SHLD2: variants seen among roughly 807,000 people sequenced by gnomAD.
The protein encoded by SHLD2 is shieldin complex subunit 2.
A neutral mutation model predicts 73.2 loss-of-function variants in SHLD2; 30 were observed. The observed-to-expected ratio is 0.41, with a 90% CI of 0.31 to 0.56. The LOEUF is 0.56. Among genes scored for constraint, SHLD2 ranks in the 20% least tolerant of loss-of-function variants. The pLI, the probability that SHLD2 is intolerant of heterozygous loss-of-function variation, is 0.28. For synonymous variants in SHLD2, 285 were observed against 370.1 expected (o/e 0.77, Z 2.64); for missense variants, 745 against 1,055.9 (o/e 0.71, Z 4.08).
At chr10:87,169,600 A>C (rs1282445137) in intron 4 of SHLD2, among the ~76,000 whole-genome samples, 2 of 152,106 alleles carry the variant, frequency 1.3e-5, no homozygotes, top group Non-Finnish European at 2.9e-5. Flanking sequence ...AAAAGTACTT[A>C]AGTGTTTATT....
At chr10:87,183,373 GGCTTATAAGGTT>G (rs1470211289) in intron 8 of SHLD2, among the ~76,000 whole-genome samples, 1 of 152,152 alleles carries the variant, frequency 6.6e-6, no homozygotes, top group East Asian at 1.9e-4. Flanking sequence ...GTCTGGGCTA[GGCTTATAAGGTT>G]ATTTGTGGTA....
chr10:87,102,020 T>C (rs958111820), intron 2 of SHLD2, among the ~76,000 whole-genome samples: 1 of 151,962 alleles, frequency 6.6e-6, no homozygotes, highest in African/African-American at 2.4e-5. Context: ...ATAGTTTTTC[T>C]TTTTTTGTTT....
chr10:87,153,312 G>T (rs576798748), intron 3 of SHLD2, among the ~76,000 whole-genome samples: 2 of 152,170 alleles, frequency 1.3e-5, no homozygotes, highest in Admixed American at 6.5e-5. Context: ...AGGCTGACGC[G>T]AGAGGATTGC....
intron 4 of SHLD2, among the ~76,000 whole-genome samples, chr10:87,161,638 A>G (rs1315565488): frequency 6.6e-6 from 1 of 152,242 alleles, no homozygotes; most frequent in African/African-American, 2.4e-5. Flanking sequence ...AGAAATGGAA[A>G]GACATTCCCT....
At chr10:87,102,916 G>T (rs928143549) in intron 2 of SHLD2, among the ~76,000 whole-genome samples, 1 of 151,426 alleles carries the variant, frequency 6.6e-6, no homozygotes, top group Non-Finnish European at 1.5e-5. Flanking sequence ...TTTAAAACAA[G>T]GTACTAAAAA....
At chr10:87,161,295 G>C (rs1009085296) in intron 4 of SHLD2, among the ~76,000 whole-genome samples, 9 of 152,050 alleles carry the variant, frequency 5.9e-5, no homozygotes, top group African/African-American at 1.2e-4. Context: ...AGAAAAAAAA[G>C]CTGGGTGTGG....
chr10:87,154,647 C>T (rs1846266281), intron 3 of SHLD2, among the ~76,000 whole-genome samples: 3 of 152,210 alleles, frequency 2.0e-5, no homozygotes, highest in Admixed American at 6.5e-5. Flanking sequence ...TCCCAAAATG[C>T]TAGGATTACA....
At chr10:87,133,421 T>C (rs1266696437) in intron 2 of SHLD2, among the ~76,000 whole-genome samples, 5 of 152,220 alleles carry the variant, frequency 3.3e-5, no homozygotes, top group African/African-American at 9.6e-5. Flanking sequence ...CTTTCTATTA[T>C]GTTTAATCAT....
At chr10:87,189,806 G>T (rs1478928703) in intron 9 of SHLD2, among the ~76,000 whole-genome samples, 1 of 151,970 alleles carries the variant, frequency 6.6e-6, no homozygotes, top group Non-Finnish European at 1.5e-5. Flanking sequence ...TTATTATTGA[G>T]ATTCAATATT....
intron 7 of SHLD2, among the ~76,000 whole-genome samples, chr10:87,178,458 T>G (rs1848092308): frequency 6.6e-6 from 1 of 151,838 alleles, no homozygotes; most frequent in South Asian, 2.1e-4. Flanking sequence ...CTCAAGCCTG[T>G]AATCCCAGCA....
At chr10:87,148,561 G>C (rs1453741593) in intron 2 of SHLD2, among the ~76,000 whole-genome samples, 3 of 141,836 alleles carry the variant, frequency 2.1e-5, no homozygotes, top group East Asian at 2.1e-4. Context: ...AAGTTTGTGG[G>C]GGGGCGGGGG....
chr10:87,097,812 T>C (rs1038058727), intron 2 of SHLD2, among the ~76,000 whole-genome samples: 1 of 152,100 alleles, frequency 6.6e-6, no homozygotes, highest in East Asian at 1.9e-4. Context: ...CATGCTGGAG[T>C]GCAGTGGTGC....
In SHLD2 at chr10:87,144,658, G is replaced by A. The variant is rs191971713; in HGVS notation, c.-5-6692G>A. Among the ~76,000 whole-genome samples, 569 of 111,652 alleles carry A rather than the reference G, an allele frequency of 5.1e-3. 6 individuals carry two copies. Among genetic ancestry groups the A allele is most frequent in the African/African-American group, 0.02 (541 of 26,978 alleles). 73.2% of individuals were successfully genotyped at this position (111,652 alleles called of 152,430 possible). ...TTTTTTTTTTTTGAGATGGTGTCTC[G>A]CTTTGTTGCCCAGGCTGGAATGCAG... On this transcript the variant is annotated intron_variant, in intron 2 of 9. Coordinates refer to ENST00000298786, the MANE Select transcript of SHLD2 (RefSeq NM_001330112.2).
chr10:87,116,429 G>A (rs1843259249), intron 2 of SHLD2, among the ~76,000 whole-genome samples: 1 of 151,446 alleles, frequency 6.6e-6, no homozygotes, highest in South Asian at 2.1e-4. Context: ...GAGGTTAGTG[G>A]GAATGGAGTG....
intron 4 of SHLD2, among the ~76,000 whole-genome samples, chr10:87,168,168 A>G (rs1847336354): frequency 6.6e-6 from 1 of 152,144 alleles, no homozygotes. Flanking sequence ...CCAAAAAGAC[A>G]TAAGCACTTG....
Position 87,129,851 on chromosome 10 carries a change from C to T in SHLD2, c.-5-21499C>T, listed in dbSNP as rs536303825. Reference sequence around the variant, plus strand: ...CCCAGACTGGTCTCGAACTCTTAAGCGCCAAGCATTTCTCTTGCCTCAGCC... The same window carrying T: ...CCCAGACTGGTCTCGAACTCTTAAGTGCCAAGCATTTCTCTTGCCTCAGCC... On this transcript the variant is annotated intron_variant, in intron 2 of 9. Transcript: ENST00000298786. 1.8e-4 allele frequency among the ~76,000 whole-genome samples: 28 copies of T among 152,050 alleles called. No individual in the cohort carries two copies. In the South Asian group the frequency reaches 4.6e-3, roughly 25 times the overall value.
chr10:87,106,834 GT>G (rs1439692293), intron 2 of SHLD2, among the ~76,000 whole-genome samples: 1 of 152,104 alleles, frequency 6.6e-6, no homozygotes, highest in Non-Finnish European at 1.5e-5. Context: ...TAGAAGTTTC[GT>G]TGTCCTACAG....
chr10:87,151,793 A>T lies in SHLD2; in HGVS notation c.439A>T (p.Ile147Phe). ...TCAAAAGCTTCTCAGTGAAAATAAA[A>T]TTAGAGATGAACAGCCTAAACATCA... Reference protein sequence around the residue: ...KYQKLLSENKIRDEQPKHQPD... With the variant: ...KYQKLLSENKFRDEQPKHQPD... The change falls in exon 3 of 10, where the codon ATT becomes TTT. Residue 147 changes from isoleucine to phenylalanine, a missense_variant. Transcript: ENST00000298786. 1 of 1,612,010 alleles carries T rather than the reference A, an allele frequency of 6.2e-7. No individual in the cohort carries two copies.
At chr10:87,094,728 G>C (rs1217328744), upstream of SHLD2, 5 of 1,518,072 alleles carry the variant, frequency 3.3e-6, no homozygotes, top group Non-Finnish European at 4.4e-6. The surrounding 1 kb of genome is among the most constrained non-coding windows in gnomAD (Gnocchi z 6.6). Flanking sequence ...CAGCGGGCCC[G>C]GCCCGGGACA....
Sources: gnomAD v4.1 joint callset for allele counts (sites outside exome capture counted in the v4.1 genomes callset) on GRCh38, gnomAD v4.1.1 for gene constraint, Gnocchi (gnomAD v3.1) non-coding constraint, MANE v1.5 for transcripts, NCBI Gene and HGNC (gene_info 2026-07-23, HGNC 2026-07-21) for gene names.